BCL3: variants seen among roughly 807,000 people sequenced by gnomAD.
The protein encoded by BCL3 is B-cell lymphoma 3 protein.
In BCL3, 15 loss-of-function variants were observed where a neutral mutation model predicts 35.7. The ratio of observed to expected loss-of-function variants is 0.42; its 90% CI spans 0.28 to 0.65. The LOEUF is 0.65. BCL3 is among the 30% of genes least tolerant of loss of function. The probability of loss-of-function intolerance (pLI) is 0.22; values close to 1 mark genes in which losing one functional copy is unlikely to be tolerated. For synonymous variants in BCL3, 311 were observed against 284.3 expected (o/e 1.09, Z -0.95); for missense variants, 565 against 641.7 (o/e 0.88, Z 1.29).
rs759715721 is a variant in BCL3 at position 44,757,250 on chromosome 19, G to C, written c.724+29G>C. 1.3e-6 allele frequency: 2 copies of C among 1,552,790 alleles called. No homozygotes were observed. The highest frequency in any genetic ancestry group is 1.7e-6 in the Non-Finnish European group (2 of 1,145,866). On this transcript the variant is annotated intron_variant, in intron 4 of 8. Transcript: ENST00000164227. This position sits in a 1 kb window ranked among gnomAD's most constrained non-coding sequence, Gnocchi z 8.4. ...AGCATTTACCGCGGGGCACCGCTGG[G>C]CTGTCCAGCGGACCTGGAGTCCATC...
chr19:44,747,919 G>A (rs1967095591), upstream of BCL3: 2 of 1,188,196 alleles, frequency 1.7e-6, no homozygotes, highest in African/African-American at 3.2e-5. Context: ...CACAATCAGT[G>A]GAGCGCTCCC....
intron 2 of BCL3, among the ~76,000 whole-genome samples, chr19:44,752,240 A>T (rs1413160528): frequency 1.4e-5 from 2 of 145,920 alleles, no homozygotes; most frequent in African/African-American, 5.1e-5. Flanking sequence ...TCGATCTGTC[A>T]CCCAGGCTGG....
intron 3 of BCL3, among the ~76,000 whole-genome samples, chr19:44,756,675 C>T (rs535691422): frequency 6.6e-5 from 10 of 151,002 alleles, no homozygotes; most frequent in South Asian, 4.2e-4. Flanking sequence ...CTCTAAGTAG[C>T]GAGGTGCTCC....
At chr19:44,758,889 C>A in intron 8 of BCL3, 48 bp downstream of exon 8, 1 of 1,429,856 alleles carries the variant, frequency 7.0e-7, no homozygotes. Flanking sequence ...CTCCCTCAGA[C>A]CCAGGAATCC....
intron 7 of BCL3, 134 bp downstream of exon 7, chr19:44,758,547 A>G: frequency 7.5e-7 from 1 of 1,340,530 alleles, no homozygotes; most frequent in African/African-American, 1.5e-5. Flanking sequence ...AGCCTCTGAA[A>G]GCGCGGGTGT....
chr19:44,752,857 CAT>C (rs1036894308), intron 2 of BCL3, among the ~76,000 whole-genome samples: 1 of 152,174 alleles, frequency 6.6e-6, no homozygotes, highest in African/African-American at 2.4e-5. Flanking sequence ...GAAGAAATGA[CAT>C]GATTTATACA....
intron 7 of BCL3, 110 bp downstream of exon 7, chr19:44,758,523 G>A (rs1359901862): frequency 1.1e-5 from 16 of 1,427,378 alleles, no homozygotes; most frequent in Non-Finnish European, 9.4e-7. Context: ...CCGTTGCGTG[G>A]AGGGGAGTGG....
intron 1 of BCL3, among the ~76,000 whole-genome samples, chr19:44,749,992 C>T (rs1967146575): frequency 6.6e-6 from 1 of 152,174 alleles, no homozygotes; most frequent in Non-Finnish European, 1.5e-5. Flanking sequence ...TCCATCCTAT[C>T]TCCATCCCTG....
chr19:44,753,219 G>A (rs1599839628), intron 2 of BCL3, among the ~76,000 whole-genome samples: 1 of 152,292 alleles, frequency 6.6e-6, no homozygotes, highest in Non-Finnish European at 1.5e-5. Flanking sequence ...ATTATAAAGA[G>A]CTAATAAAAC....
chr19:44,753,298 G>A lies in BCL3; in HGVS notation c.410+1918G>A, dbSNP rs543296611. On this transcript the variant is annotated intron_variant, in intron 2 of 8. Coordinates refer to ENST00000164227, the MANE Select transcript of BCL3 (RefSeq NM_005178.5). ...AAATGGGCTTAATCAGACAGTCTCT[G>A]CCCCCAGTGGTGAGCTGTCCATGCT... Among the ~76,000 whole-genome samples the A allele has an allele frequency of 3.3e-5, 5 of 152,240 alleles. No individual in the cohort carries two copies. In the East Asian group the frequency reaches 7.7e-4, roughly 24 times the overall value.
At position 44,758,264 on chromosome 19, in the gene BCL3, G is replaced by C; in HGVS notation, c.910G>C (p.Ala304Pro). ...LLLQHGANVN[A>P]QMYSGSSALH... Reference sequence around the variant, plus strand: ...CCCGCAGCACGGCGCCAACGTGAACGCGCAAATGTACTCCGGCAGCTCCGC... The same window carrying C: ...CCCGCAGCACGGCGCCAACGTGAACCCGCAAATGTACTCCGGCAGCTCCGC... Residue 304 changes from alanine to proline, a missense_variant, in exon 7 of 9, where the codon GCG (alanine) becomes CCG (proline). Transcript: ENST00000164227. The C allele has an allele frequency of 6.6e-7, 1 of 1,505,560 alleles. No homozygotes were observed. The allele number at this position is 1,505,560 out of a possible 1,614,324, so 93.3% of individuals were successfully genotyped here. A position where few individuals can be genotyped will look rare whatever the true frequency, so the allele number is the denominator to read the frequency against.
In BCL3 at chr19:44,754,355, A is replaced by G. The variant is rs186693481; in HGVS notation, c.411-1877A>G. On this transcript the variant is annotated intron_variant, in intron 2 of 8. Transcript: ENST00000164227. ...GCCCCCCCTACACACACACACCTCA[A>G]GGGAGCTAGGTCTTCTTGGGCTGGG... Among the ~76,000 whole-genome samples the G allele has an allele frequency of 4.5e-4, 69 of 152,230 alleles. 1 individual carries two copies. The East Asian group carries it at 0.013, about 28-fold the overall frequency.
rs1310117731 is a variant in BCL3, at chr19:44,759,658, C to G, written c.*43C>G. Reference sequence around the variant, plus strand: ...ATCTTGGACTCATGAGGAGGGGCCCCCCTGCCCTGTGGGGTCAACCCTTCT... The same window carrying G: ...ATCTTGGACTCATGAGGAGGGGCCCGCCTGCCCTGTGGGGTCAACCCTTCT... On this transcript the variant is annotated 3_prime_UTR_variant, in exon 9 of 9. Transcript: ENST00000164227. 7.4e-6 allele frequency: 11 copies of G among 1,496,320 alleles called. No homozygotes were observed. The highest frequency in any genetic ancestry group is 2.3e-5 in the East Asian group (1 of 42,784). The allele number at this position is 1,496,320 out of a possible 1,614,324, so 92.7% of individuals were successfully genotyped here. A position where few individuals can be genotyped will look rare whatever the true frequency, so the allele number is the denominator to read the frequency against.
In BCL3 at chr19:44,759,807, C is replaced by G. The variant is rs1325423779; in HGVS notation, c.*192C>G. On this transcript the variant is annotated 3_prime_UTR_variant, in exon 9 of 9. Transcript: ENST00000164227. ...CACAGATGTTCCCCCATCTCGCTCC[C>G]TCCCAGGACTCTGACCCCAGCATTC... 2 of 508,542 alleles carry G rather than the reference C, an allele frequency of 3.9e-6. No individual in the cohort carries two copies. Among genetic ancestry groups the G allele is most frequent in the Non-Finnish European group, 6.9e-6 (2 of 291,436 alleles). The allele number at this position is 508,542 out of a possible 1,614,324, so 31.5% of individuals were successfully genotyped here. A position where few individuals can be genotyped will look rare whatever the true frequency, so the allele number is the denominator to read the frequency against.
chr19:44,758,448 C>G (rs34967149), intron 7 of BCL3, 35 bp downstream of exon 7: 1 of 1,523,870 alleles, frequency 6.6e-7, no homozygotes, highest in East Asian at 2.5e-5. Flanking sequence ...GCCCCTTGCA[C>G]ACGTGTGTCC....
chr19:44,749,010 C>G lies in BCL3; in HGVS notation c.220C>G (p.His74Asp), dbSNP rs1400492942. 7.2e-7 allele frequency: 1 copy of G among 1,384,780 alleles called. No homozygotes were observed. The highest frequency in any genetic ancestry group is 1.6e-5 in the South Asian group (1 of 64,426). 85.8% of individuals were successfully genotyped at this position (1,384,780 alleles called of 1,614,324 possible). ...CCTGCCGGCGGTCCCCGGGCCCCCC[C>G]ACGGCCTGGCCCGGCCGGAGGCGCT... ...CDLPAVPGPP[H>D]GLARPEALYY... Residue 74 changes from histidine (H) to aspartate (D), a missense_variant, in exon 1 of 9, where the codon CAC becomes GAC. Physicochemically the swap from His to Asp is moderately conservative, Grantham distance 81 (BLOSUM62 -1). Around this residue, in one of 5 missense-constraint regions of BCL3, gnomAD observed 267 missense variants for 281.5 expected, o/e 0.95. Coordinates refer to ENST00000164227, the MANE Select transcript of BCL3 (RefSeq NM_005178.5).
At chr19:44,758,439 C>A (rs1390881982) in intron 7 of BCL3, 26 bp downstream of exon 7, 5 of 1,532,422 alleles carry the variant, frequency 3.3e-6, no homozygotes, top group Non-Finnish European at 4.4e-6. Flanking sequence ...TGTGGACATG[C>A]CCCTTGCACA....
intron 2 of BCL3, among the ~76,000 whole-genome samples, chr19:44,753,711 T>C (rs1967225625): frequency 6.7e-6 from 1 of 148,580 alleles, no homozygotes; most frequent in South Asian, 2.2e-4. Flanking sequence ...AGCCAAAAGG[T>C]TGGGAGGCTG....
In BCL3 at chr19:44,757,249, G is replaced by A; in HGVS notation, c.724+28G>A. The A allele has an allele frequency of 6.4e-7, 1 of 1,553,034 alleles. No individual in the cohort carries two copies. The highest frequency in any genetic ancestry group is 8.7e-7 in the Non-Finnish European group (1 of 1,146,034). ...AAGCATTTACCGCGGGGCACCGCTGGGCTGTCCAGCGGACCTGGAGTCCAT... is the reference window on the plus strand; with the variant it reads ...AAGCATTTACCGCGGGGCACCGCTGAGCTGTCCAGCGGACCTGGAGTCCAT... On this transcript the variant is annotated intron_variant, in intron 4 of 8. Coordinates refer to ENST00000164227, the MANE Select transcript of BCL3 (RefSeq NM_005178.5). The surrounding 1 kb of genome is among the most constrained non-coding windows in gnomAD (Gnocchi z 8.4).
Sources: gnomAD v4.1 joint callset for allele counts (sites outside exome capture counted in the v4.1 genomes callset) on GRCh38, gnomAD v4.1.1 for gene constraint, gnomAD v4.1.1 regional missense constraint, Gnocchi (gnomAD v3.1) non-coding constraint, MANE v1.5 for transcripts, NCBI Gene and HGNC (gene_info 2026-07-23, HGNC 2026-07-21) for gene names.